The following ACAP2 variants were observed in gnomAD, a reference collection of about 807,000 sequenced individuals.
ACAP2 encodes arf-GAP with coiled-coil, ANK repeat and PH domain-containing protein 2.
ACAP2 carries 39 observed loss-of-function variants against 115.8 expected under a neutral mutation model. The observed-to-expected ratio is 0.34, with a 90% CI of 0.26 to 0.44. ACAP2 has a LOEUF of 0.44. Ranked by LOEUF, ACAP2 falls within the 20% of genes least tolerant of loss-of-function variation. The pLI, the probability that ACAP2 is intolerant of heterozygous loss-of-function variation, is 1.00. For synonymous variants in ACAP2, 289 were observed against 315.8 expected (o/e 0.92, Z 0.90); for missense variants, 662 against 927.6 (o/e 0.71, Z 3.72).
intron 13 of ACAP2, 135 bp from the exon 14 acceptor site, chr3:195,302,309 T>C: frequency 4.1e-6 from 3 of 735,756 alleles, no homozygotes; most frequent in Non-Finnish European, 6.5e-6. Flanking sequence ...GGCAATAGTC[T>C]AGCTAGAAAT....
intron 13 of ACAP2, 113 bp downstream of exon 13, chr3:195,306,398 T>C: frequency 9.1e-6 from 5 of 551,024 alleles, no homozygotes; most frequent in Non-Finnish European, 6.2e-6. Context: ...AAAACTCAAT[T>C]ACATAAAATC....
intron 1 of ACAP2, among the ~76,000 whole-genome samples, chr3:195,420,217 T>C (rs1714066386): frequency 6.6e-6 from 1 of 152,216 alleles, no homozygotes. Context: ...TTAATATAAA[T>C]GGAATTTCAC....
intron 1 of ACAP2, among the ~76,000 whole-genome samples, chr3:195,392,520 C>T (rs1393039787): frequency 3.9e-5 from 6 of 152,176 alleles, no homozygotes; most frequent in African/African-American, 9.7e-5. Flanking sequence ...AACTGCAAGG[C>T]GTTGTTGGCA....
intron 1 of ACAP2, among the ~76,000 whole-genome samples, chr3:195,401,599 A>G (rs823300): frequency 0.54 from 82,259 of 152,012 alleles, 23,764 homozygotes; most frequent in East Asian, 0.89. Context: ...CCCGGGAGGC[A>G]GAGGTTGCAG....
At chr3:195,365,768 G>A (rs1732671427) in intron 4 of ACAP2, among the ~76,000 whole-genome samples, 1 of 151,660 alleles carries the variant, frequency 6.6e-6, no homozygotes, top group African/African-American at 2.4e-5. Flanking sequence ...ACTCTTCTTT[G>A]CAATCATCAG....
intron 1 of ACAP2, among the ~76,000 whole-genome samples, chr3:195,437,255 T>C (rs575901076): frequency 2.0e-5 from 3 of 151,876 alleles, no homozygotes; most frequent in Admixed American, 1.3e-4. Flanking sequence ...GTTGCCTAGG[T>C]TGATTTCAAA....
In ACAP2 at chr3:195,275,844, T is replaced by G. The variant is rs1320463562; in HGVS notation, c.*3484A>C. ...CAGTATACAAAGGGATGCTTCTATATTTTCACCTTGTTTCATTACACTCAT... is the reference window on the plus strand; with the variant it reads ...CAGTATACAAAGGGATGCTTCTATAGTTTCACCTTGTTTCATTACACTCAT... On this transcript the variant is annotated 3_prime_UTR_variant, in exon 23 of 23. Transcript: ENST00000326793. The G allele has an allele frequency of 5.9e-5, 9 of 152,508 alleles. No homozygotes were observed. Among genetic ancestry groups the G allele is most frequent in the Admixed American group, 2.0e-4 (3 of 15,284 alleles). 9.4% of individuals were successfully genotyped at this position (152,508 alleles called of 1,614,324 possible). A position where few individuals can be genotyped will look rare whatever the true frequency, so the allele number is the denominator to read the frequency against.
At chr3:195,321,697 T>A (rs929175973) in intron 9 of ACAP2, among the ~76,000 whole-genome samples, 16 of 151,124 alleles carry the variant, frequency 1.1e-4, no homozygotes, top group Admixed American at 2.0e-4. Context: ...CACTGCAACC[T>A]CTGCCTCCCC....
At chr3:195,434,315 C>T (rs902729174) in intron 1 of ACAP2, among the ~76,000 whole-genome samples, 1 of 152,112 alleles carries the variant, frequency 6.6e-6, no homozygotes, top group Non-Finnish European at 1.5e-5. Context: ...TCACTGTAGC[C>T]TCAACATTCT....
At chr3:195,395,304 G>A (rs567665155) in intron 1 of ACAP2, among the ~76,000 whole-genome samples, 1 of 152,122 alleles carries the variant, frequency 6.6e-6, no homozygotes, top group South Asian at 2.1e-4. Context: ...ATATATGACT[G>A]AGCAGCAAAA....
intron 4 of ACAP2, among the ~76,000 whole-genome samples, chr3:195,362,861 G>A (rs1732463325): frequency 6.6e-6 from 1 of 152,072 alleles, no homozygotes; most frequent in South Asian, 2.1e-4. Context: ...ATAGTGAATG[G>A]GGAAAAACTG....
intron 1 of ACAP2, among the ~76,000 whole-genome samples, chr3:195,393,384 T>C (rs1024527355): frequency 6.6e-6 from 1 of 152,220 alleles, no homozygotes; most frequent in South Asian, 2.1e-4. Flanking sequence ...CTTATTGACT[T>C]GTGATTCTGC....
chr3:195,384,012 C>T (rs823302), intron 2 of ACAP2, among the ~76,000 whole-genome samples: 82,157 of 152,024 alleles, frequency 0.54, 23,703 homozygotes, highest in East Asian at 0.89. Context: ...GTCACTCTCA[C>T]GCATTGTTGG....
intron 4 of ACAP2, among the ~76,000 whole-genome samples, chr3:195,362,942 G>A (rs770113238): frequency 6.6e-6 from 1 of 152,132 alleles, no homozygotes; most frequent in Non-Finnish European, 1.5e-5. Context: ...AACTTATTAT[G>A]GAAGTCCTAA....
intron 18 of ACAP2, among the ~76,000 whole-genome samples, chr3:195,294,414 C>A (rs1475955655): frequency 6.7e-6 from 1 of 150,158 alleles, no homozygotes; most frequent in African/African-American, 2.4e-5. Context: ...CTCGTCCCTA[C>A]TAAAAACACA....
At chr3:195,384,878 T>C (rs948374565) in intron 2 of ACAP2, among the ~76,000 whole-genome samples, 2 of 152,014 alleles carry the variant, frequency 1.3e-5, no homozygotes, top group African/African-American at 2.4e-5. Flanking sequence ...ACAAATTAAA[T>C]TCAAAAATAA....
In ACAP2 at chr3:195,291,699, C is replaced by A. The variant is rs769360602; in HGVS notation, c.2063+7G>T. ...AGTCTCCTTAAATATGAAAGCACTG[C>A]AGTTACCCTGTGTGCCCTAAGACGG... On this transcript the variant is annotated splice_region_variant and intron_variant, in intron 20 of 22. Coordinates refer to ENST00000326793, the MANE Select transcript of ACAP2 (RefSeq NM_012287.6). 34 of 1,597,884 alleles carry A rather than the reference C, an allele frequency of 2.1e-5. No individual in the cohort carries two copies. Among genetic ancestry groups the A allele is most frequent in the Non-Finnish European group, 2.6e-5 (31 of 1,173,248 alleles).
At chr3:195,340,140 C>T (rs1001645488) in intron 6 of ACAP2, among the ~76,000 whole-genome samples, 1 of 150,796 alleles carries the variant, frequency 6.6e-6, no homozygotes, top group African/African-American at 2.4e-5. Flanking sequence ...ATACTCCAGA[C>T]AAGAAACAGT....
chr3:195,434,303 G>T (rs1715366804), intron 1 of ACAP2, among the ~76,000 whole-genome samples: 1 of 152,132 alleles, frequency 6.6e-6, no homozygotes, highest in South Asian at 2.1e-4. Context: ...CGCAAATACA[G>T]CTCACTGTAG....
Sources: allele counts gnomAD v4.1 joint callset (sites outside exome capture counted in the v4.1 genomes callset), GRCh38; gene constraint gnomAD v4.1.1; transcripts MANE v1.5; gene names NCBI Gene and HGNC (gene_info 2026-07-23, HGNC 2026-07-21).